GSTP1: variants seen among roughly 807,000 people sequenced by gnomAD.
GSTP1 encodes glutathione S-transferase P.
GSTP1 carries 28 observed loss-of-function variants against 29.4 expected under a neutral mutation model. The observed-to-expected ratio is 0.95, with a 90% CI of 0.71 to 1.30. The LOEUF (loss-of-function observed/expected upper bound fraction) is 1.30, where lower values mean the gene tolerates loss of function less well. GSTP1 is among the 50% of genes most tolerant of loss of function. The probability of loss-of-function intolerance (pLI) is 0.00; values close to 1 mark genes in which losing one functional copy is unlikely to be tolerated. For synonymous variants in GSTP1, 122 were observed against 117.0 expected (o/e 1.04, Z -0.28); for missense variants, 267 against 266.1 (o/e 1.00, Z -0.02).
At position 67,585,214 on chromosome 11, in the gene GSTP1, A is replaced by C. The variant is rs1451964684; in HGVS notation, c.309A>C (p.Lys103Asn). The C allele has an allele frequency of 1.9e-6, 3 of 1,600,810 alleles. No individual in the cohort carries two copies. The highest frequency in any genetic ancestry group is 2.6e-6 in the Non-Finnish European group (3 of 1,172,308). ...VNDGVEDLRC[K>N]YISLIYTNYE... The stretch of plus-strand genomic sequence containing the variant: ...ACGGCGTGGAGGACCTCCGCTGCAA[A>C]TACATCTCCCTCATCTACACCAACT... Residue 103 changes from lysine to asparagine, a missense_variant, in exon 5 of 7, where the codon AAA becomes AAC. Lys to Asn is a moderately conservative substitution (Grantham distance 94). Transcript: ENST00000398606.
intron 5 of GSTP1, among the ~76,000 whole-genome samples, chr11:67,585,660 T>C (rs942366792): frequency 7.7e-6 from 1 of 129,312 alleles, no homozygotes; most frequent in Non-Finnish European, 1.7e-5. Flanking sequence ...AGAGGCAGCG[T>C]GTGTGCGCGT....
chr11:67,584,252 AC>A (rs1333687785), intron 2 of GSTP1, 83 bp downstream of exon 2: 1 of 1,111,920 alleles, frequency 9.0e-7, no homozygotes, highest in Non-Finnish European at 1.3e-6. Context: ...AGAGATCCGA[AC>A]CCCCTTATCC....
At chr11:67,586,356 G>A (rs372139239) in intron 6 of GSTP1, 33 bp from the exon 7 acceptor site, 46 of 1,595,546 alleles carry the variant, frequency 2.9e-5, no homozygotes, top group African/African-American at 1.5e-4. Flanking sequence ...GCCTGCTCCC[G>A]CTGGCTGAGT....
intron 1 of GSTP1, 35 bp downstream of exon 1, chr11:67,583,879 G>T: frequency 1.4e-6 from 1 of 731,972 alleles, no homozygotes; most frequent in East Asian, 2.5e-5. Flanking sequence ...CGGGGATGGG[G>T]CTCAGAGCTC....
rs192307201 is a variant in GSTP1 at position 67,584,493 on chromosome 11, G to T, written c.67G>T (p.Ala23Ser). The T allele has an allele frequency of 1.7e-3, 2,652 of 1,559,572 alleles. 3 individuals carry two copies. The highest frequency in any genetic ancestry group is 2.1e-3 in the Admixed American group (109 of 51,226). ...CTGCGCGGCCCTGCGCATGCTGCTGGCAGATCAGGGCCAGAGCTGGAAGGA... is the reference window on the plus strand; with the variant it reads ...CTGCGCGGCCCTGCGCATGCTGCTGTCAGATCAGGGCCAGAGCTGGAAGGA... ...GRCAALRMLL[A>S]DQGQSWKEEV... Residue 23 changes from alanine (A) to serine (S), a missense_variant, in exon 3 of 7, where the codon GCA becomes TCA. Coordinates refer to ENST00000398606, the MANE Select transcript of GSTP1 (RefSeq NM_000852.4).
chr11:67,584,554 C>T lies in GSTP1; in HGVS notation c.128C>T (p.Ser43Leu), dbSNP rs774481007. 6.3e-7 allele frequency: 1 copy of T among 1,599,128 alleles called. No individual in the cohort carries two copies. The highest frequency in any genetic ancestry group is 1.1e-5 in the South Asian group (1 of 90,414). The stretch of plus-strand genomic sequence containing the variant: ...ACCGTGGAGACGTGGCAGGAGGGCT[C>T]ACTCAAAGCCTCCTGCGTAAGTGAC... ...VVTVETWQEGSLKASCLYGQL... is the reference protein window; with the variant it reads ...VVTVETWQEGLLKASCLYGQL... The change falls in exon 3 of 7, where the codon TCA (serine) becomes TTA (leucine). Residue 43 changes from serine to leucine, a missense_variant. By Grantham distance (145) the Ser-to-Leu change is moderately radical. Coordinates refer to ENST00000398606, the MANE Select transcript of GSTP1 (RefSeq NM_000852.4).
intron 3 of GSTP1, 30 bp from the exon 4 acceptor site, chr11:67,584,655 C>T (rs748227264): frequency 6.3e-6 from 10 of 1,579,126 alleles, no homozygotes; most frequent in Non-Finnish European, 7.8e-6. Flanking sequence ...AAGCTCAGTG[C>T]CCCTCCCTGA....
chr11:67,584,030 G>T, intron 1 of GSTP1, 104 bp from the exon 2 acceptor site: 2 of 932,722 alleles, frequency 2.1e-6, no homozygotes, highest in Non-Finnish European at 3.4e-6. Context: ...GGAGCGCCTC[G>T]GGGAGGGATG....
chr11:67,584,669 A>G lies in GSTP1; in HGVS notation c.145-16A>G. The G allele has an allele frequency of 6.2e-7, 1 of 1,608,728 alleles. No homozygotes were observed. Among genetic ancestry groups the G allele is most frequent in the Non-Finnish European group, 8.5e-7 (1 of 1,175,348 alleles). On this transcript the variant is annotated splice_polypyrimidine_tract_variant and intron_variant, in intron 3 of 6. Transcript: ENST00000398606. ...CAAGCTCAGTGCCCCTCCCTGAGCC[A>G]TGCCTCCCCCAACAGCTATACGGGC...
At chr11:67,584,376 T>A in intron 2 of GSTP1, 88 bp from the exon 3 acceptor site, 2 of 755,552 alleles carry the variant, frequency 2.6e-6, no homozygotes, top group Non-Finnish European at 4.3e-6. Context: ...GTTTCCCTGT[T>A]CCCTCCCTGC....
chr11:67,585,134 C>T lies in GSTP1; in HGVS notation c.233-4C>T, dbSNP rs766115049. 1 of 1,605,252 alleles carries T rather than the reference C, an allele frequency of 6.2e-7. No individual in the cohort carries two copies. The highest frequency in any genetic ancestry group is 2.2e-5 in the East Asian group (1 of 44,836). On this transcript the variant is annotated splice_polypyrimidine_tract_variant and splice_region_variant and intron_variant, in intron 4 of 6. Transcript: ENST00000398606. ...GCGGCCTGCTCCCCTCCACCCAACC[C>T]CAGGGCTCTATGGGAAGGACCAGCA...
At chr11:67,584,074 G>T in intron 1 of GSTP1, 60 bp from the exon 2 acceptor site, 13 of 1,430,812 alleles carry the variant, frequency 9.1e-6, no homozygotes, top group African/African-American at 1.4e-5. Flanking sequence ...GGCAGACTGC[G>T]CTCACCGCGC....
In GSTP1 at chr11:67,585,138, G is replaced by A. The variant is rs1804666; in HGVS notation, c.233G>A (p.Gly78Glu). 2 of 1,607,226 alleles carry A rather than the reference G, an allele frequency of 1.2e-6. No individual in the cohort carries two copies. The highest frequency in any genetic ancestry group is 1.3e-5 in the African/African-American group (1 of 74,798). Residue 78 changes from glycine (G) to glutamate (E), a missense_variant and splice_region_variant, in exon 5 of 7, where the codon GGG (glycine) becomes GAG (glutamate). Physicochemically the swap from Gly to Glu is moderately conservative, Grantham distance 98 (BLOSUM62 -2). Transcript: ENST00000398606. ...CCTGCTCCCCTCCACCCAACCCCAG[G>A]GCTCTATGGGAAGGACCAGCAGGAG... ...TILRHLGRTL[G>E]LYGKDQQEAA...
Position 67,586,412 on chromosome 11 carries a change from G to A in GSTP1, c.468G>A (p.Leu156=). The change falls in exon 7 of 7, where the codon CTG becomes CTA. Residue 156 remains leucine (L), a synonymous_variant. Coordinates refer to ENST00000398606, the MANE Select transcript of GSTP1 (RefSeq NM_000852.4). ...GDQISFADYN[L]LDLLLIHEVL... ...AGATCTCCTTCGCTGACTACAACCTGCTGGACTTGCTGCTGATCCATGAGG... is the reference window on the plus strand; with the variant it reads ...AGATCTCCTTCGCTGACTACAACCTACTGGACTTGCTGCTGATCCATGAGG... 1 of 1,614,080 alleles carries A rather than the reference G, an allele frequency of 6.2e-7. No homozygotes were observed. The highest frequency in any genetic ancestry group is 1.1e-5 in the South Asian group (1 of 91,072).
At chr11:67,585,674 T>TGCGC (rs1867456000) in intron 5 of GSTP1, among the ~76,000 whole-genome samples, 1 of 101,382 alleles carries the variant, frequency 9.9e-6, no homozygotes, top group Non-Finnish European at 2.3e-5. Flanking sequence ...TGCGCGTGCG[T>TGCGC]GTGCATGTGT....
rs990829761 is a variant in GSTP1 at position 67,585,188 on chromosome 11, G to T, written c.283G>T (p.Asp95Tyr). Residue 95 changes from aspartate to tyrosine, a missense_variant, in exon 5 of 7, where the codon GAC becomes TAC. By Grantham distance (160) the Asp-to-Tyr change is radical. Transcript: ENST00000398606. ...QEAALVDMVN[D>Y]GVEDLRCKYI... ...GGCAGCCCTGGTGGACATGGTGAAT[G>T]ACGGCGTGGAGGACCTCCGCTGCAA... 2 of 1,613,900 alleles carry T rather than the reference G, an allele frequency of 1.2e-6. No individual in the cohort carries two copies. The highest frequency in any genetic ancestry group is 1.7e-6 in the Non-Finnish European group (2 of 1,179,814).
rs541625725 is a variant in GSTP1 at position 67,585,190 on chromosome 11, C to T, written c.285C>T (p.Asp95=). 8 of 1,613,666 alleles carry T rather than the reference C, an allele frequency of 5.0e-6. No individual in the cohort carries two copies. Among genetic ancestry groups the T allele is most frequent in the Admixed American group, 3.3e-5 (2 of 60,016 alleles). ...QEAALVDMVN[D]GVEDLRCKYI... is the part of the protein sequence containing the mutation. ...CAGCCCTGGTGGACATGGTGAATGA[C>T]GGCGTGGAGGACCTCCGCTGCAAAT... is the stretch of plus-strand genomic sequence containing the variant. The change falls in exon 5 of 7, where the codon GAC becomes GAT. Residue 95 remains aspartate (D), a synonymous_variant. Coordinates refer to ENST00000398606, the MANE Select transcript of GSTP1 (RefSeq NM_000852.4).
intron 3 of GSTP1, 21 bp from the exon 4 acceptor site, chr11:67,584,664 G>A: frequency 6.2e-7 from 1 of 1,605,722 alleles, no homozygotes; most frequent in Non-Finnish European, 8.5e-7. Flanking sequence ...GCCCCTCCCT[G>A]AGCCATGCCT....
intron 2 of GSTP1, 26 bp from the exon 3 acceptor site, chr11:67,584,438 C>G: frequency 7.5e-7 from 1 of 1,333,250 alleles, no homozygotes; most frequent in Non-Finnish European, 1.0e-6. Context: ...CCGGTCCCCA[C>G]ATCTCGTACT....
Sources: gnomAD v4.1 joint callset for allele counts (sites outside exome capture counted in the v4.1 genomes callset) on GRCh38, gnomAD v4.1.1 for gene constraint, MANE v1.5 for transcripts, NCBI Gene and HGNC (gene_info 2026-07-23, HGNC 2026-07-21) for gene names.